Variants in KRTAP12-2 observed in about 807,000 individuals in gnomAD.
The protein encoded by KRTAP12-2 is keratin-associated protein 12-2.
For synonymous variants in KRTAP12-2, 73 were observed against 83.9 expected (o/e 0.87, Z 0.71); for missense variants, 166 against 184.2 (o/e 0.90, Z 0.57).
At position 44,666,793 on chromosome 21, in the gene KRTAP12-2, C is replaced by A. The variant is rs1555944886; in HGVS notation, c.94G>T (p.Ala32Ser). The change falls in exon 1 of 1, where the codon GCA becomes TCA. Residue 32 changes from alanine to serine, a missense_variant. Ala to Ser is a moderately conservative substitution (Grantham distance 99). Transcript: ENST00000360770. ...PACCVPSSCQ[A>S]SCCVPVGCQS... ...CAGCCCACAGGCACACAGCAGGATG[C>A]CTGGCAGGAGCTGGGCACACAACAG... 1.2e-5 allele frequency: 19 copies of A among 1,611,826 alleles called. No individual in the cohort carries two copies. The highest frequency in any genetic ancestry group is 1.5e-5 in the Non-Finnish European group (18 of 1,178,554).
At position 44,666,732 on chromosome 21, in the gene KRTAP12-2, G is replaced by A. The variant is rs1310446047; in HGVS notation, c.155C>T (p.Pro52Leu). The A allele has an allele frequency of 1.2e-6, 2 of 1,614,022 alleles. No homozygotes were observed. Among genetic ancestry groups the A allele is most frequent in the African/African-American group, 2.7e-5 (2 of 74,906 alleles). Residue 52 changes from proline to leucine, a missense_variant, in exon 1 of 1, where the codon CCA becomes CTA. Coordinates refer to ENST00000360770, the MANE Select transcript of KRTAP12-2 (RefSeq NM_181684.3). The part of the protein sequence containing the change: ...SSVCVPVSFK[P>L]AVCLPVSCQS... ...GCAGCTCACGGGCAGGCACACGGCT[G>A]GCTTGAAGCTCACGGGCACACACAC...
In KRTAP12-2 at chr21:44,666,309, C is replaced by G. The variant is rs376861978; in HGVS notation, c.*137G>C. On this transcript the variant is annotated 3_prime_UTR_variant, in exon 1 of 1. Transcript: ENST00000360770. ...GCTCCAGATCATTCTGTCACATTCT[C>G]AATCCAGAATTCAGAGGGTTCAACT... is the stretch of plus-strand genomic sequence containing the variant. 1 of 1,089,510 alleles carries G rather than the reference C, an allele frequency of 9.2e-7. No individual in the cohort carries two copies. The highest frequency in any genetic ancestry group is 1.3e-6 in the Non-Finnish European group (1 of 758,594). 67.5% of individuals were successfully genotyped at this position (1,089,510 alleles called of 1,614,324 possible). A position where few individuals can be genotyped will look rare whatever the true frequency, so the allele number is the denominator to read the frequency against.
In KRTAP12-2 at chr21:44,666,482, G is replaced by A; in HGVS notation, c.405C>T (p.Cys135=). The A allele has an allele frequency of 1.9e-6, 3 of 1,604,714 alleles. No individual in the cohort carries two copies. Among genetic ancestry groups the A allele is most frequent in the Non-Finnish European group, 1.7e-6 (2 of 1,175,086 alleles). ...AAGAGATACTGTAGGAGATGGGTCT[G>A]CAGAGGACGCTGGTGCAGGAGGGCT... ...CCQPSCTSVL[C]RPISYSISSC... The change falls in exon 1 of 1, where the codon TGC becomes TGT. Residue 135 remains cysteine (C), a synonymous_variant. Transcript: ENST00000360770.
Position 44,666,349 on chromosome 21 carries a change from C to G in KRTAP12-2, c.*97G>C. 1 of 1,318,770 alleles carries G rather than the reference C, an allele frequency of 7.6e-7. No individual in the cohort carries two copies. The highest frequency in any genetic ancestry group is 1.0e-6 in the Non-Finnish European group (1 of 955,040). The allele number at this position is 1,318,770 out of a possible 1,614,324, so 81.7% of individuals were successfully genotyped here. ...AGGGTTCAACTGAGCATGCTTTTCA[C>G]CTGCACCATGTGCAGAAGACCAACT... is the stretch of plus-strand genomic sequence containing the variant. On this transcript the variant is annotated 3_prime_UTR_variant, in exon 1 of 1. Coordinates refer to ENST00000360770, the MANE Select transcript of KRTAP12-2 (RefSeq NM_181684.3).
Position 44,666,371 on chromosome 21 carries a change from A to G in KRTAP12-2, c.*75T>C, listed in dbSNP as rs1985759382. On this transcript the variant is annotated 3_prime_UTR_variant, in exon 1 of 1. Coordinates refer to ENST00000360770, the MANE Select transcript of KRTAP12-2 (RefSeq NM_181684.3). ...TCACCTGCACCATGTGCAGAAGACC[A>G]ACTGAGGACTCATCCAGGGAGTGTA... is the stretch of plus-strand genomic sequence containing the variant. 5 of 1,468,412 alleles carry G rather than the reference A, an allele frequency of 3.4e-6. No individual in the cohort carries two copies. In the South Asian group the frequency reaches 4.1e-5, roughly 12 times the overall value. The allele number at this position is 1,468,412 out of a possible 1,614,324, so 91.0% of individuals were successfully genotyped here.
the KRTAP12-2 span, chr21:44,666,881 A>T: frequency 1.2e-6 from 2 of 1,613,230 alleles, no homozygotes; most frequent in Non-Finnish European, 1.7e-6. Context: ...AGCTGGTATG[A>T]CACATGGTGG....
At position 44,666,335 on chromosome 21, in the gene KRTAP12-2, G is replaced by A; in HGVS notation, c.*111C>T. Reference sequence around the variant, plus strand: ...AATCCAGAATTCAGAGGGTTCAACTGAGCATGCTTTTCACCTGCACCATGT... The same window carrying A: ...AATCCAGAATTCAGAGGGTTCAACTAAGCATGCTTTTCACCTGCACCATGT... On this transcript the variant is annotated 3_prime_UTR_variant, in exon 1 of 1. Transcript: ENST00000360770. The A allele has an allele frequency of 8.0e-7, 1 of 1,247,222 alleles. No individual in the cohort carries two copies. Among genetic ancestry groups the A allele is most frequent in the Admixed American group, 2.3e-5 (1 of 43,318 alleles). The allele number at this position is 1,247,222 out of a possible 1,614,324, so 77.3% of individuals were successfully genotyped here. A position where few individuals can be genotyped will look rare whatever the true frequency, so the allele number is the denominator to read the frequency against.
At position 44,666,192 on chromosome 21, in the gene KRTAP12-2, A is replaced by G. The variant is rs781934722; in HGVS notation, c.*254T>C. 3.0e-4 allele frequency: 151 copies of G among 495,544 alleles called. No homozygotes were observed. The highest frequency in any genetic ancestry group is 4.3e-5 in the Non-Finnish European group (12 of 282,220). The allele number at this position is 495,544 out of a possible 1,614,324, so 30.7% of individuals were successfully genotyped here. A position where few individuals can be genotyped will look rare whatever the true frequency, so the allele number is the denominator to read the frequency against. On this transcript the variant is annotated 3_prime_UTR_variant, in exon 1 of 1. Transcript: ENST00000360770. ...AGAAAGACCAGAAATGCAGAGCTGCATGGGGAAAGCTGGTTTATTTGGCTC... is the reference window on the plus strand; with the variant it reads ...AGAAAGACCAGAAATGCAGAGCTGCGTGGGGAAAGCTGGTTTATTTGGCTC...
Position 44,666,572 on chromosome 21 carries a change from G to A in KRTAP12-2, c.315C>T (p.Cys105=), listed in dbSNP as rs371213509. The change falls in exon 1 of 1, where the codon TGC becomes TGT. Residue 105 remains cysteine, a synonymous_variant. Transcript: ENST00000360770. ...CAAPSCQSSL[C]VPVSCRPVVY... ...CGACAGGCCTGCAGCTCACAGGCAC[G>A]CACAGGGAGGACTGGCAGGAGGGGG... 8.7e-6 allele frequency: 14 copies of A among 1,601,214 alleles called. No individual in the cohort carries two copies. The highest frequency in any genetic ancestry group is 3.4e-5 in the Admixed American group (2 of 59,316).
Position 44,666,681 on chromosome 21 carries a change from C to T in KRTAP12-2, c.206G>A (p.Ser69Asn). Residue 69 changes from serine (S) to asparagine (N), a missense_variant, in exon 1 of 1, where the codon AGC becomes AAC. Ser to Asn is a conservative substitution (Grantham distance 46). Coordinates refer to ENST00000360770, the MANE Select transcript of KRTAP12-2 (RefSeq NM_181684.3). ...GGGCACGCACACAGCTGACTTGAAG[C>T]TCATGGGCACACACACAGAAGACTG... is the stretch of plus-strand genomic sequence containing the variant. ...SCQSSVCVPM[S>N]FKSAVCVPVS... The T allele has an allele frequency of 1.9e-6, 3 of 1,613,098 alleles. No individual in the cohort carries two copies. In the South Asian group the frequency reaches 3.3e-5, roughly 18 times the overall value.
In KRTAP12-2 at chr21:44,666,474, A is replaced by G; in HGVS notation, c.413T>C (p.Ile138Thr). ...PSCTSVLCRP[I>T]SYSISSCC is the part of the protein sequence containing the mutation. ...GCAGCAGGAAGAGATACTGTAGGAGATGGGTCTGCAGAGGACGCTGGTGCA... is the reference window on the plus strand; with the variant it reads ...GCAGCAGGAAGAGATACTGTAGGAGGTGGGTCTGCAGAGGACGCTGGTGCA... The change falls in exon 1 of 1, where the codon ATC becomes ACC. Residue 138 changes from isoleucine to threonine, a missense_variant. Coordinates refer to ENST00000360770, the MANE Select transcript of KRTAP12-2 (RefSeq NM_181684.3). The G allele has an allele frequency of 6.3e-7, 1 of 1,597,470 alleles. No individual in the cohort carries two copies. The highest frequency in any genetic ancestry group is 8.5e-7 in the Non-Finnish European group (1 of 1,170,980).
At position 44,666,410 on chromosome 21, in the gene KRTAP12-2, A is replaced by T. The variant is rs782097313; in HGVS notation, c.*36T>A. ...CCAGGGAGTGTACAGGTGTGGCCTC[A>T]TCTGCACTGGGAGCAGCGGGTCTGG... On this transcript the variant is annotated 3_prime_UTR_variant, in exon 1 of 1. Transcript: ENST00000360770. The T allele has an allele frequency of 1.9e-6, 3 of 1,555,394 alleles. No individual in the cohort carries two copies. The Admixed American group carries it at 5.4e-5, about 28-fold the overall frequency.
chr21:44,666,643 A>G lies in KRTAP12-2; in HGVS notation c.244T>C (p.Ser82Pro). ...SAVCVPVSCQSSVCVPVSCRP... is the reference protein window; with the variant it reads ...SAVCVPVSCQPSVCVPVSCRP... ...CAGCTCACAGGCACACACACAGAAG[A>G]CTGGCAGCTCACGGGCACGCACACA... The change falls in exon 1 of 1, where the codon TCT becomes CCT. Residue 82 changes from serine (S) to proline (P), a missense_variant. Coordinates refer to ENST00000360770, the MANE Select transcript of KRTAP12-2 (RefSeq NM_181684.3). The G allele has an allele frequency of 6.2e-7, 1 of 1,613,050 alleles. No homozygotes were observed. Among genetic ancestry groups the G allele is most frequent in the African/African-American group, 1.3e-5 (1 of 74,790 alleles).
rs782670914 is a variant in KRTAP12-2, at chr21:44,666,924, G to A, written c.-38C>T. The A allele has an allele frequency of 2.5e-6, 4 of 1,595,770 alleles. No homozygotes were observed. In the South Asian group the frequency reaches 4.5e-5, roughly 18 times the overall value. On this transcript the variant is annotated 5_prime_UTR_variant, in exon 1 of 1. Coordinates refer to ENST00000360770, the MANE Select transcript of KRTAP12-2 (RefSeq NM_181684.3). ...CTGGATAAGGTCGAGGCAGAGGGCA[G>A]TGATGTCTGGGGACGGCCTCCCTGG...
At position 44,666,551 on chromosome 21, in the gene KRTAP12-2, A is replaced by G; in HGVS notation, c.336T>C (p.Pro112=). Residue 112 remains proline (P), a synonymous_variant, in exon 1 of 1, where the codon CCT becomes CCC. Coordinates refer to ENST00000360770, the MANE Select transcript of KRTAP12-2 (RefSeq NM_181684.3). ...GGCAGGACGGAGCCGCATACACGACAGGCCTGCAGCTCACAGGCACGCACA... is the reference window on the plus strand; with the variant it reads ...GGCAGGACGGAGCCGCATACACGACGGGCCTGCAGCTCACAGGCACGCACA... ...SSLCVPVSCR[P]VVYAAPSCQS... 8 of 1,613,012 alleles carry G rather than the reference A, an allele frequency of 5.0e-6. No homozygotes were observed. The highest frequency in any genetic ancestry group is 1.7e-4 in the Middle Eastern group (1 of 6,058).
Position 44,666,528 on chromosome 21 carries a change from C to T in KRTAP12-2, c.359G>A (p.Cys120Tyr). ...GGGCTGGCAGCACCCAGAGGACTGG[C>T]AGGACGGAGCCGCATACACGACAGG... is the stretch of plus-strand genomic sequence containing the variant. ...CRPVVYAAPS[C>Y]QSSGCCQPSC... Residue 120 changes from cysteine (C) to tyrosine (Y), a missense_variant, in exon 1 of 1, where the codon TGC (cysteine) becomes TAC (tyrosine). Coordinates refer to ENST00000360770, the MANE Select transcript of KRTAP12-2 (RefSeq NM_181684.3). The T allele has an allele frequency of 1.2e-6, 2 of 1,612,834 alleles. No individual in the cohort carries two copies. The highest frequency in any genetic ancestry group is 8.5e-7 in the Non-Finnish European group (1 of 1,179,126).
rs1985749746 is a variant in KRTAP12-2, at chr21:44,666,223, G to T, written c.*223C>A. 1.3e-5 allele frequency: 7 copies of T among 540,222 alleles called. No homozygotes were observed. Among genetic ancestry groups the T allele is most frequent in the Non-Finnish European group, 1.9e-5 (6 of 309,158 alleles). The allele number at this position is 540,222 out of a possible 1,614,324, so 33.5% of individuals were successfully genotyped here. On this transcript the variant is annotated 3_prime_UTR_variant, in exon 1 of 1. Coordinates refer to ENST00000360770, the MANE Select transcript of KRTAP12-2 (RefSeq NM_181684.3). Reference sequence around the variant, plus strand: ...AAAGCTGGTTTATTTGGCTCTCATGGGGTCAGAGAATGACTCTGGGACCCC... The same window carrying T: ...AAAGCTGGTTTATTTGGCTCTCATGTGGTCAGAGAATGACTCTGGGACCCC...
Position 44,666,727 on chromosome 21 carries a change from C to G in KRTAP12-2, c.160G>C (p.Val54Leu). The change falls in exon 1 of 1, where the codon GTG (valine) becomes CTG (leucine). Residue 54 changes from valine (V) to leucine (L), a missense_variant. Physicochemically the swap from Val to Leu is conservative, Grantham distance 32 (BLOSUM62 1). Transcript: ENST00000360770. The stretch of plus-strand genomic sequence containing the variant: ...GACTGGCAGCTCACGGGCAGGCACA[C>G]GGCTGGCTTGAAGCTCACGGGCACA... The part of the protein sequence containing the change: ...VCVPVSFKPA[V>L]CLPVSCQSSV... The G allele has an allele frequency of 6.2e-7, 1 of 1,613,864 alleles. No individual in the cohort carries two copies. Among genetic ancestry groups the G allele is most frequent in the Non-Finnish European group, 8.5e-7 (1 of 1,179,946 alleles).
At position 44,666,466 on chromosome 21, in the gene KRTAP12-2, T is replaced by C. The variant is rs782665747; in HGVS notation, c.421A>G (p.Ser141Gly). ...CATGCTCAGCAGCAGGAAGAGATAC[T>C]GTAGGAGATGGGTCTGCAGAGGACG... is the stretch of plus-strand genomic sequence containing the variant. The part of the protein sequence containing the change: ...TSVLCRPISY[S>G]ISSCC Residue 141 changes from serine to glycine, a missense_variant, in exon 1 of 1, where the codon AGT becomes GGT. Coordinates refer to ENST00000360770, the MANE Select transcript of KRTAP12-2 (RefSeq NM_181684.3). 4 of 1,591,120 alleles carry C rather than the reference T, an allele frequency of 2.5e-6. No individual in the cohort carries two copies. The highest frequency in any genetic ancestry group is 2.2e-5 in the East Asian group (1 of 44,716).
Sources: allele counts gnomAD v4.1 joint callset, GRCh38; gene constraint gnomAD v4.1.1; transcripts MANE v1.5; gene names NCBI Gene and HGNC (gene_info 2026-07-23, HGNC 2026-07-21).